The following ADGRA2 variants were observed in gnomAD, a reference collection of about 807,000 sequenced individuals.
The protein encoded by ADGRA2 is G-protein coupled receptor 124.
ADGRA2 carries 61 observed loss-of-function variants against 98.7 expected under a neutral mutation model. The ratio of observed to expected loss-of-function variants is 0.62; its 90% CI spans 0.50 to 0.76. The LOEUF is 0.76. Ranked by LOEUF, ADGRA2 falls within the 30% of genes least tolerant of loss-of-function variation. The pLI is 0.00. For missense variants in ADGRA2, 1,712 were observed against 1,860.0 expected (o/e 0.92, Z 1.46); for synonymous variants, 858 against 831.5 (o/e 1.03, Z -0.55).
intron 2 of ADGRA2, among the ~76,000 whole-genome samples, chr8:37,815,341 C>A (rs1804948538): frequency 6.6e-6 from 1 of 152,250 alleles, no homozygotes; most frequent in Non-Finnish European, 1.5e-5. Flanking sequence ...CTGACTGCGG[C>A]CCTTTTCCGC....
chr8:37,829,241 G>A lies in ADGRA2; in HGVS notation c.411-20G>A. On this transcript the variant is annotated intron_variant, in intron 3 of 18. Coordinates refer to ENST00000412232, the MANE Select transcript of ADGRA2 (RefSeq NM_032777.10). ...TGCTGCCACGTGGCCAACATGCTGA[G>A]GTTGCCTGTGTCTCTCTAGAGATCT... The A allele has an allele frequency of 6.2e-7, 1 of 1,607,448 alleles. No individual in the cohort carries two copies.
At chr8:37,833,394 C>G (rs899273698) in intron 9 of ADGRA2, among the ~76,000 whole-genome samples, 186 bp downstream of exon 9, 1 of 152,208 alleles carries the variant, frequency 6.6e-6, no homozygotes, top group Non-Finnish European at 1.5e-5. Context: ...CCCACTGAGG[C>G]CACAGTGGGG....
Position 37,841,755 on chromosome 8 carries a change from G to C in ADGRA2, c.3417G>C (p.Leu1139=). 1 of 1,540,454 alleles carries C rather than the reference G, an allele frequency of 6.5e-7. No individual in the cohort carries two copies. Among genetic ancestry groups the C allele is most frequent in the Non-Finnish European group, 8.7e-7 (1 of 1,144,726 alleles). ...LALGPCKLTN[L]QLAQSQVCEA... Reference sequence around the variant, plus strand: ...TGGGCCCCTGCAAGCTCACCAACCTGCAGCTGGCCCAGAGTCAGGTGTGCG... The same window carrying C: ...TGGGCCCCTGCAAGCTCACCAACCTCCAGCTGGCCCAGAGTCAGGTGTGCG... The change falls in exon 19 of 19, where the codon CTG becomes CTC. Residue 1139 remains leucine, a synonymous_variant. Coordinates refer to ENST00000412232, the MANE Select transcript of ADGRA2 (RefSeq NM_032777.10). This position sits in a 1 kb window ranked among gnomAD's most constrained non-coding sequence, Gnocchi z 5.0.
At chr8:37,840,327 C>A in intron 17 of ADGRA2, 61 bp downstream of exon 17, 1 of 1,569,524 alleles carries the variant, frequency 6.4e-7, no homozygotes, top group South Asian at 1.1e-5. Context: ...GCGTAGGAAA[C>A]CTCCCAAGGT....
At chr8:37,801,144 G>A (rs567831737) in intron 1 of ADGRA2, among the ~76,000 whole-genome samples, 13 of 152,250 alleles carry the variant, frequency 8.5e-5, no homozygotes, top group Admixed American at 2.0e-4. Context: ...AAGCCCTCCC[G>A]CCACCTCCAC....
intron 8 of ADGRA2, among the ~76,000 whole-genome samples, chr8:37,831,879 C>G (rs1313619563): frequency 6.6e-6 from 1 of 152,126 alleles, no homozygotes; most frequent in Non-Finnish European, 1.5e-5. Context: ...GCCAACATGG[C>G]AAAACCCCAT....
chr8:37,844,281 C>T lies in ADGRA2; in HGVS notation c.*1926C>T. On this transcript the variant is annotated 3_prime_UTR_variant, in exon 19 of 19. Transcript: ENST00000412232. The stretch of plus-strand genomic sequence containing the variant: ...ACATAGGCAACTTGCTCTCCCACAC[C>T]AAGGGATGGGAATCTCTCCTACCTA... The T allele has an allele frequency of 2.2e-5, 13 of 596,568 alleles. No homozygotes were observed. In the South Asian group the frequency reaches 3.1e-4, roughly 14 times the overall value. The allele number at this position is 596,568 out of a possible 1,614,324, so 37.0% of individuals were successfully genotyped here. A position where few individuals can be genotyped will look rare whatever the true frequency, so the allele number is the denominator to read the frequency against.
intron 2 of ADGRA2, among the ~76,000 whole-genome samples, chr8:37,816,244 T>G (rs377404846): frequency 6.6e-6 from 1 of 151,870 alleles, no homozygotes; most frequent in Non-Finnish European, 1.5e-5. Context: ...GAGCTATGAT[T>G]GTGCCACTGC....
In ADGRA2 at chr8:37,797,998, C is replaced by A. The variant is rs556046811; in HGVS notation, c.266+464C>A. Reference sequence around the variant, plus strand: ...TGGAGGAGTCTCCGGATTTACCTGGCTGGCCTTGTCCCTTCAATTGGGGTC... The same window carrying A: ...TGGAGGAGTCTCCGGATTTACCTGGATGGCCTTGTCCCTTCAATTGGGGTC... On this transcript the variant is annotated intron_variant, in intron 1 of 18. Transcript: ENST00000412232. This position sits in a 1 kb window ranked among gnomAD's most constrained non-coding sequence, Gnocchi z 5.3. Among the ~76,000 whole-genome samples the A allele has an allele frequency of 4.0e-4, 61 of 152,342 alleles. No homozygotes were observed. The highest frequency in any genetic ancestry group is 1.3e-3 in the Admixed American group (20 of 15,302).
intron 1 of ADGRA2, among the ~76,000 whole-genome samples, chr8:37,812,670 A>AT (rs35078864): frequency 0.24 from 35,240 of 146,070 alleles, 4,358 homozygotes; most frequent in Middle Eastern, 0.36. Flanking sequence ...GAGTTGCAGA[A>AT]TTTTTTTTTT....
At position 37,802,598 on chromosome 8, in the gene ADGRA2, C is replaced by T. The variant is rs967309737; in HGVS notation, c.266+5064C>T. The stretch of plus-strand genomic sequence containing the variant: ...CACCCCCACCCGGGCTCCGGGACCT[C>T]GCCTGTTCAAAGGCAGGGGCCCAGC... On this transcript the variant is annotated intron_variant, in intron 1 of 18. Coordinates refer to ENST00000412232, the MANE Select transcript of ADGRA2 (RefSeq NM_032777.10). The surrounding 1 kb of genome is among the most constrained non-coding windows in gnomAD (Gnocchi z 4.7). Among the ~76,000 whole-genome samples the T allele has an allele frequency of 2.5e-4, 38 of 152,208 alleles. No individual in the cohort carries two copies. The highest frequency in any genetic ancestry group is 3.4e-4 in the Non-Finnish European group (23 of 68,040).
chr8:37,838,992 G>C lies in ADGRA2; in HGVS notation c.2296G>C (p.Gly766Arg), dbSNP rs531290202. The C allele has an allele frequency of 5.1e-6, 8 of 1,577,328 alleles. No individual in the cohort carries two copies. The South Asian group carries it at 9.4e-5, about 19-fold the overall frequency. Residue 766 changes from glycine (G) to arginine (R), a missense_variant, in exon 15 of 19, where the codon GGG (glycine) becomes CGG (arginine). Gly to Arg is a moderately radical substitution (Grantham distance 125). Coordinates refer to ENST00000412232, the MANE Select transcript of ADGRA2 (RefSeq NM_032777.10). ...SAFPREVGGA[G>R]AGLHPVVYPC... Reference sequence around the variant, plus strand: ...CTTTCCCAGGGAGGTGGGGGGCGCCGGGGCAGGGCTGCACCCCGTGGTATA... The same window carrying C: ...CTTTCCCAGGGAGGTGGGGGGCGCCCGGGCAGGGCTGCACCCCGTGGTATA...
At chr8:37,828,312 G>A (rs1805340629) in intron 2 of ADGRA2, among the ~76,000 whole-genome samples, 1 of 152,056 alleles carries the variant, frequency 6.6e-6, no homozygotes, top group African/African-American at 2.4e-5. Context: ...TCCGGAGGTG[G>A]GGCAGGGTGG....
intron 2 of ADGRA2, among the ~76,000 whole-genome samples, chr8:37,824,276 G>A (rs193066763): frequency 1.8e-3 from 267 of 151,742 alleles, no homozygotes; most frequent in African/African-American, 5.5e-3. Context: ...TGATCTGCCC[G>A]CCTTGGCCAC....
intron 8 of ADGRA2, 21 bp downstream of exon 8, chr8:37,831,608 T>C: frequency 6.2e-7 from 1 of 1,610,178 alleles, no homozygotes. Context: ...CTCCACCCTG[T>C]AGAGGGCTGC....
chr8:37,804,343 C>G (rs2129904889), intron 1 of ADGRA2, among the ~76,000 whole-genome samples: 1 of 152,298 alleles, frequency 6.6e-6, no homozygotes, highest in African/African-American at 2.4e-5. Context: ...GAAAGCTTCA[C>G]CACCCTCAGT....
chr8:37,839,001 C>A lies in ADGRA2; in HGVS notation c.2305C>A (p.Leu769Met), dbSNP rs760025113. The A allele has an allele frequency of 1.3e-6, 2 of 1,595,642 alleles. No homozygotes were observed. The highest frequency in any genetic ancestry group is 4.5e-5 in the East Asian group (2 of 44,692). Residue 769 changes from leucine (L) to methionine (M), a missense_variant, in exon 15 of 19, where the codon CTG becomes ATG. Physicochemically the swap from Leu to Met is conservative, Grantham distance 15. Coordinates refer to ENST00000412232, the MANE Select transcript of ADGRA2 (RefSeq NM_032777.10). ...PREVGGAGAGLHPVVYPCTAL... is the reference protein window; with the variant it reads ...PREVGGAGAGMHPVVYPCTAL... Reference sequence around the variant, plus strand: ...GGAGGTGGGGGGCGCCGGGGCAGGGCTGCACCCCGTGGTATACCCCTGCAC... The same window carrying A: ...GGAGGTGGGGGGCGCCGGGGCAGGGATGCACCCCGTGGTATACCCCTGCAC...
chr8:37,813,633 G>A (rs1804903248), intron 1 of ADGRA2, among the ~76,000 whole-genome samples: 1 of 152,126 alleles, frequency 6.6e-6, no homozygotes, highest in African/African-American at 2.4e-5. Flanking sequence ...GGGTGGGAGG[G>A]ATCTATGGAG....
intron 2 of ADGRA2, among the ~76,000 whole-genome samples, chr8:37,824,489 A>ATTTTT (rs34639785): frequency 8.7e-5 from 10 of 114,698 alleles, no homozygotes; most frequent in African/African-American, 3.4e-4. Context: ...CTAAGGTGCA[A>ATTTTT]TTTTTTTTTT....
Sources: allele counts gnomAD v4.1 joint callset (sites outside exome capture counted in the v4.1 genomes callset), GRCh38; gene constraint gnomAD v4.1.1; non-coding constraint Gnocchi (gnomAD v3.1); transcripts MANE v1.5; gene names NCBI Gene and HGNC (gene_info 2026-07-23, HGNC 2026-07-21).